KLHL29: variants seen among roughly 807,000 people sequenced by gnomAD.
The protein encoded by KLHL29 is kelch like family member 29.
KLHL29 carries 21 observed loss-of-function variants against 80.4 expected under a neutral mutation model. That is an observed-to-expected ratio of 0.26 (90% CI 0.19 to 0.38). KLHL29 has a LOEUF of 0.38. KLHL29 is among the 10% of genes least tolerant of loss of function. The pLI is 1.00. For missense variants in KLHL29, 867 were observed against 1,223.9 expected (o/e 0.71, Z 4.35); for synonymous variants, 511 against 526.8 (o/e 0.97, Z 0.41).
chr2:23,653,536 G>T (rs1670146551), intron 5 of KLHL29, among the ~76,000 whole-genome samples: 2 of 152,194 alleles, frequency 1.3e-5, no homozygotes, highest in Non-Finnish European at 2.9e-5. Flanking sequence ...CACAAGGAAT[G>T]AATGGGAGGA....
intron 3 of KLHL29, among the ~76,000 whole-genome samples, chr2:23,628,639 G>T (rs184830841): frequency 1.3e-5 from 2 of 152,260 alleles, no homozygotes; most frequent in African/African-American, 4.8e-5. Flanking sequence ...ATGACAGATC[G>T]ACACCCTGTA....
chr2:23,543,914 G>A (rs577532154), intron 2 of KLHL29, among the ~76,000 whole-genome samples: 31 of 152,268 alleles, frequency 2.0e-4, no homozygotes, highest in Non-Finnish European at 3.7e-4. Context: ...GGCTGGTGAT[G>A]TCATCTCCCA....
intron 1 of KLHL29, among the ~76,000 whole-genome samples, chr2:23,474,351 T>C (rs1316006599): frequency 1.3e-5 from 2 of 152,232 alleles, no homozygotes; most frequent in Non-Finnish European, 2.9e-5. Flanking sequence ...AGCACTTATC[T>C]GCCAAGGATC....
At chr2:23,415,291 T>G (rs956665248) in intron 1 of KLHL29, among the ~76,000 whole-genome samples, 2 of 152,176 alleles carry the variant, frequency 1.3e-5, no homozygotes, top group Non-Finnish European at 2.9e-5. Context: ...CTTAGCTGTG[T>G]CTTAGCTTCC....
chr2:23,572,506 C>T (rs1359406775), intron 3 of KLHL29, among the ~76,000 whole-genome samples: 1 of 152,176 alleles, frequency 6.6e-6, no homozygotes, highest in Non-Finnish European at 1.5e-5. Context: ...TAAAAGTCAG[C>T]TGCCCGTGAT....
Position 23,482,584 on chromosome 2 carries a change from G to A in KLHL29, c.-46+6917G>A, listed in dbSNP as rs563491654. On this transcript the variant is annotated intron_variant, in intron 2 of 13. Transcript: ENST00000486442. ...GGAAAGCACTGTGTGTGCATACATT[G>A]AGTGACCATGCTCTGAAATTGATGG... 3.3e-5 allele frequency among the ~76,000 whole-genome samples: 5 copies of A among 152,344 alleles called. No individual in the cohort carries two copies. In the South Asian group the frequency reaches 1.0e-3, roughly 32 times the overall value.
At chr2:23,417,689 T>G (rs1333576553) in intron 1 of KLHL29, among the ~76,000 whole-genome samples, 2 of 152,142 alleles carry the variant, frequency 1.3e-5, no homozygotes, top group Non-Finnish European at 2.9e-5. Flanking sequence ...TCCTCCAGCC[T>G]CACCTTTCTC....
chr2:23,421,991 T>TTGTG (rs58964080), intron 1 of KLHL29, among the ~76,000 whole-genome samples: 75,951 of 151,090 alleles, frequency 0.5, 21,014 homozygotes, highest in African/African-American at 0.76. Flanking sequence ...GTTCATGTGT[T>TTGTG]TGTCTCTGTC....
chr2:23,477,867 C>G (rs1214341322), intron 2 of KLHL29, among the ~76,000 whole-genome samples: 1 of 152,218 alleles, frequency 6.6e-6, no homozygotes, highest in African/African-American at 2.4e-5. Flanking sequence ...AACAGAGACA[C>G]CCCAGGGCAG....
chr2:23,654,889 C>T (rs146734334), intron 5 of KLHL29, among the ~76,000 whole-genome samples: 2 of 152,308 alleles, frequency 1.3e-5, no homozygotes, highest in East Asian at 3.9e-4. Context: ...GCCTCCAGTG[C>T]CCATACCCTT....
intron 2 of KLHL29, among the ~76,000 whole-genome samples, chr2:23,549,195 G>A (rs992334464): frequency 2.0e-5 from 3 of 152,216 alleles, no homozygotes; most frequent in African/African-American, 7.2e-5. Context: ...GGTGCTCCTC[G>A]CTGCCAGTAT....
chr2:23,475,476 C>T (rs1443198411), intron 1 of KLHL29, 84 bp from the exon 2 acceptor site: 1 of 150,996 alleles, frequency 6.6e-6, no homozygotes, highest in African/African-American at 2.7e-5. Context: ...CAAAAGACAT[C>T]TTTTTGCAAA....
chr2:23,693,633 TCTCC>T, intron 8 of KLHL29, 105 bp downstream of exon 8: 1 of 1,198,284 alleles, frequency 8.3e-7, no homozygotes, highest in Non-Finnish European at 1.2e-6. Flanking sequence ...CTTGTCCTGC[TCTCC>T]CTAAGTGGCA....
intron 3 of KLHL29, among the ~76,000 whole-genome samples, chr2:23,638,101 A>AT (rs10691113): frequency 6.0e-5 from 9 of 150,604 alleles, no homozygotes; most frequent in Admixed American, 5.3e-4. Flanking sequence ...AAAAAAAAAA[A>AT]GACAAATACA....
At chr2:23,563,299 A>G (rs1484465814) in intron 3 of KLHL29, among the ~76,000 whole-genome samples, 1 of 152,180 alleles carries the variant, frequency 6.6e-6, no homozygotes, top group Non-Finnish European at 1.5e-5. Context: ...GGAGCCCCTC[A>G]GGCAGCCTGA....
intron 1 of KLHL29, among the ~76,000 whole-genome samples, chr2:23,404,564 A>G (rs961526926): frequency 2.6e-5 from 4 of 152,226 alleles, no homozygotes; most frequent in Non-Finnish European, 4.4e-5. Flanking sequence ...TGTCACGCCC[A>G]CAAGAGGGCA....
At chr2:23,491,528 A>G (rs1035216719) in intron 2 of KLHL29, among the ~76,000 whole-genome samples, 1 of 148,640 alleles carries the variant, frequency 6.7e-6, no homozygotes, top group African/African-American at 2.5e-5. Flanking sequence ...TATAGCTCCC[A>G]TGCATGCAAG....
rs1666147722 is a variant in KLHL29 at position 23,385,440 on chromosome 2, G to C, written c.-494G>C. On this transcript the variant is annotated 5_prime_UTR_variant, in exon 1 of 14. The change abolishes an upstream ATG in the 5' untranslated region. Transcript: ENST00000486442. Reference sequence around the variant, plus strand: ...GCTGCGGGGAGAGGGCGGGGGCGATGCTGCCGGAGCCGCCGCCGCCGCCGC... The same window carrying C: ...GCTGCGGGGAGAGGGCGGGGGCGATCCTGCCGGAGCCGCCGCCGCCGCCGC... 1.2e-5 allele frequency: 2 copies of C among 161,082 alleles called. No individual in the cohort carries two copies. Among genetic ancestry groups the C allele is most frequent in the Admixed American group, 1.4e-4 (2 of 14,768 alleles). 10.0% of individuals were successfully genotyped at this position (161,082 alleles called of 1,614,324 possible). A position where few individuals can be genotyped will look rare whatever the true frequency, so the allele number is the denominator to read the frequency against.
intron 1 of KLHL29, among the ~76,000 whole-genome samples, chr2:23,447,504 T>C (rs1265581426): frequency 6.6e-6 from 1 of 152,242 alleles, no homozygotes; most frequent in Non-Finnish European, 1.5e-5. Context: ...GCATTTGTTG[T>C]ATTTGATCAA....
Sources: allele counts gnomAD v4.1 joint callset (sites outside exome capture counted in the v4.1 genomes callset), GRCh38; gene constraint gnomAD v4.1.1; transcripts MANE v1.5; gene names NCBI Gene and HGNC (gene_info 2026-07-23, HGNC 2026-07-21).